YWHAG: variants seen among roughly 807,000 people sequenced by gnomAD.
YWHAG encodes 14-3-3 protein gamma.
Under a neutral mutation model 23.3 loss-of-function variants are expected in YWHAG, and 1 was observed. The observed-to-expected ratio is 0.04, with a 90% CI of 0.02 to 0.20. YWHAG has a LOEUF of 0.20. Among genes scored for constraint, YWHAG ranks in the 10% least tolerant of loss-of-function variants. YWHAG has a pLI of 1.00. For synonymous variants in YWHAG, 160 were observed against 144.0 expected, an observed-to-expected ratio of 1.11 and a Z score of -0.80; for missense variants, 151 against 338.6, an observed-to-expected ratio of 0.45 and a Z score of 4.35.
At chr7:76,356,374 T>C (rs775182647) in intron 1 of YWHAG, among the ~76,000 whole-genome samples, 7 of 152,234 alleles carry the variant, frequency 4.6e-5, no homozygotes, top group Non-Finnish European at 8.8e-5. Context: ...AAAAGGTTTT[T>C]ATTTTACAAA....
chr7:76,339,272 C>T (rs1439945157), intron 1 of YWHAG, among the ~76,000 whole-genome samples: 2 of 152,056 alleles, frequency 1.3e-5, no homozygotes, highest in African/African-American at 2.4e-5. Flanking sequence ...GAGTTCAAGA[C>T]TAGACTGGCC....
chr7:76,357,515 G>C (rs1263723865), intron 1 of YWHAG, among the ~76,000 whole-genome samples: 2 of 152,068 alleles, frequency 1.3e-5, no homozygotes, highest in African/African-American at 4.8e-5. Flanking sequence ...ATATCAAACT[G>C]GTTGACAGCC....
At chr7:76,341,593 C>T (rs909081401) in intron 1 of YWHAG, among the ~76,000 whole-genome samples, 3 of 151,934 alleles carry the variant, frequency 2.0e-5, no homozygotes, top group East Asian at 1.9e-4. Context: ...CATGCTACAC[C>T]GATGATCTCG....
intron 1 of YWHAG, among the ~76,000 whole-genome samples, chr7:76,352,562 A>G (rs1266585074): frequency 1.3e-5 from 2 of 152,236 alleles, no homozygotes; most frequent in African/African-American, 4.8e-5. Flanking sequence ...AAGAAGCCCA[A>G]GAGTTTATTT....
chr7:76,335,259 T>C (rs1253426532), intron 1 of YWHAG, among the ~76,000 whole-genome samples: 1 of 152,148 alleles, frequency 6.6e-6, no homozygotes, highest in African/African-American at 2.4e-5. Context: ...GGTTTCATCA[T>C]GTTGGCCAGG....
intron 1 of YWHAG, among the ~76,000 whole-genome samples, chr7:76,358,485 CCGCGCCCG>C (rs1803996944): frequency 6.6e-6 from 1 of 152,144 alleles, no homozygotes; most frequent in Non-Finnish European, 1.5e-5. Context: ...TCGCCCCGGC[CCGCGCCCG>C]CGCCGGGCCT....
At chr7:76,330,254 A>G (rs1385078414) in intron 1 of YWHAG, 21 bp from the exon 2 acceptor site, 1 of 1,603,640 alleles carries the variant, frequency 6.2e-7, no homozygotes, top group African/African-American at 1.3e-5. Flanking sequence ...GAAAGAACAG[A>G]GTTGTTATGG....
At position 76,329,407 on chromosome 7, in the gene YWHAG, G is replaced by C; in HGVS notation, c.*170C>G. On this transcript the variant is annotated 3_prime_UTR_variant, in exon 2 of 2. Coordinates refer to ENST00000307630, the MANE Select transcript of YWHAG (RefSeq NM_012479.4). The surrounding 1 kb of genome is among the most constrained non-coding windows in gnomAD (Gnocchi z 6.1). ...ACAGCTAGCCTGACTTTCCACTAGT[G>C]GTATTTTGGCAAAAATGTCAAAGAG... 1.2e-6 allele frequency: 1 copy of C among 813,108 alleles called. No homozygotes were observed. The highest frequency in any genetic ancestry group is 1.9e-6 in the Non-Finnish European group (1 of 533,762). 50.4% of individuals were successfully genotyped at this position (813,108 alleles called of 1,614,324 possible).
At position 76,358,123 on chromosome 7, in the gene YWHAG, T is replaced by C. The variant is rs1803988064; in HGVS notation, c.87+599A>G. Among the ~76,000 whole-genome samples the C allele has an allele frequency of 5.3e-5, 8 of 152,330 alleles. No individual in the cohort carries two copies. In the South Asian group the frequency reaches 1.5e-3, roughly 28 times the overall value. On this transcript the variant is annotated intron_variant, in intron 1 of 1. Transcript: ENST00000307630. ...GAAGAGCCTTTTGTTAAGAAAAACG[T>C]GAGCAAGGTGGTTTCGATTTTGCAC...
chr7:76,353,389 T>A (rs1803902421), intron 1 of YWHAG, among the ~76,000 whole-genome samples: 1 of 152,108 alleles, frequency 6.6e-6, no homozygotes, highest in Non-Finnish European at 1.5e-5. Context: ...ATTTTTTGTA[T>A]TTTTAGTAGA....
chr7:76,337,815 C>A (rs974256268), intron 1 of YWHAG, among the ~76,000 whole-genome samples: 1 of 152,162 alleles, frequency 6.6e-6, no homozygotes, highest in Admixed American at 6.5e-5. Context: ...GGATTACCGG[C>A]ATGAGCCACT....
At chr7:76,345,185 C>CTTT (rs944242945) in intron 1 of YWHAG, among the ~76,000 whole-genome samples, 8 of 132,258 alleles carry the variant, frequency 6.0e-5, no homozygotes, top group African/African-American at 1.4e-4. Context: ...TATCCTAAGG[C>CTTT]TTTTTTTTTT....
At chr7:76,349,458 CA>C (rs1803841879) in intron 1 of YWHAG, among the ~76,000 whole-genome samples, 1 of 150,932 alleles carries the variant, frequency 6.6e-6, no homozygotes, top group Non-Finnish European at 1.5e-5. Flanking sequence ...CACACACACA[CA>C]CACACACAGC....
chr7:76,346,911 C>T (rs573587221), intron 1 of YWHAG, among the ~76,000 whole-genome samples: 1 of 152,280 alleles, frequency 6.6e-6, no homozygotes, highest in South Asian at 2.1e-4. Flanking sequence ...TCAAAAAGCG[C>T]ACCACCACAG....
At chr7:76,348,859 C>T (rs1803826772) in intron 1 of YWHAG, among the ~76,000 whole-genome samples, 3 of 145,220 alleles carry the variant, frequency 2.1e-5, no homozygotes, top group Non-Finnish European at 4.5e-5. Flanking sequence ...GATTACAAAC[C>T]ATGAGCCTTA....
chr7:76,358,731 G>T lies in YWHAG; in HGVS notation c.78C>A (p.Ala26=), dbSNP rs201465937. 1.3e-6 allele frequency: 2 copies of T among 1,591,150 alleles called. No individual in the cohort carries two copies. Among genetic ancestry groups the T allele is most frequent in the South Asian group, 1.1e-5 (1 of 88,064 alleles). ...QAERYDDMAA[A]MKNVTELNEP... is the part of the protein sequence containing the mutation. ...GGGAGGAGACACTCACGTTCTTCAT[G>T]GCCGCGGCCATGTCGTCGTAGCGCT... is the stretch of plus-strand genomic sequence containing the variant. Residue 26 remains alanine, a synonymous_variant, in exon 1 of 2, where the codon GCC becomes GCA. Transcript: ENST00000307630.
intron 1 of YWHAG, among the ~76,000 whole-genome samples, chr7:76,330,467 C>G (rs929987710): frequency 2.0e-5 from 3 of 152,174 alleles, no homozygotes; most frequent in Non-Finnish European, 4.4e-5. Context: ...CAGAAAAGGA[C>G]ACAGGCTTAT....
At chr7:76,341,923 T>C (rs1803699694) in intron 1 of YWHAG, among the ~76,000 whole-genome samples, 1 of 152,200 alleles carries the variant, frequency 6.6e-6, no homozygotes, top group Admixed American at 6.5e-5. Context: ...ATTGCTGCAC[T>C]ATACGACAGT....
chr7:76,347,199 G>A (rs2115635105), intron 1 of YWHAG, among the ~76,000 whole-genome samples: 1 of 152,308 alleles, frequency 6.6e-6, no homozygotes, highest in East Asian at 1.9e-4. Context: ...ATGTTCAACA[G>A]GACTCCCATC....
Sources: allele counts gnomAD v4.1 joint callset (sites outside exome capture counted in the v4.1 genomes callset), GRCh38; gene constraint gnomAD v4.1.1; non-coding constraint Gnocchi (gnomAD v3.1); transcripts MANE v1.5; gene names NCBI Gene and HGNC (gene_info 2026-07-23, HGNC 2026-07-21).